Variants in NELL1 observed in about 807,000 individuals in gnomAD.
NELL1 encodes the protein protein kinase C-binding protein NELL1.
A neutral mutation model predicts 107.4 loss-of-function variants in NELL1; 76 were observed. That is an observed-to-expected ratio of 0.71 (90% confidence interval 0.59 to 0.86). The LOEUF (loss-of-function observed/expected upper bound fraction) is 0.86, where lower values mean the gene tolerates loss of function less well. Among genes scored for constraint, NELL1 ranks in the 40% least tolerant of loss-of-function variants. NELL1 has a pLI of 0.00. For missense variants in NELL1, 1,024 were observed against 1,005.5 expected (o/e 1.02, Z -0.25); for synonymous variants, 353 against 341.2 (o/e 1.03, Z -0.38).
chr11:21,068,629 G>A (rs776461581), intron 12 of NELL1, among the ~76,000 whole-genome samples: 1 of 152,152 alleles, frequency 6.6e-6, no homozygotes, highest in Non-Finnish European at 1.5e-5. Context: ...TGTACGCAGA[G>A]ATAAATGGGT....
At chr11:21,064,733 T>A (rs1306983689) in intron 12 of NELL1, among the ~76,000 whole-genome samples, 1 of 152,146 alleles carries the variant, frequency 6.6e-6, no homozygotes, top group Non-Finnish European at 1.5e-5. Context: ...AGGTATTAAG[T>A]GCTCTTAAGT....
intron 15 of NELL1, among the ~76,000 whole-genome samples, chr11:21,433,710 T>C (rs978249665): frequency 3.9e-5 from 6 of 152,136 alleles, no homozygotes; most frequent in Non-Finnish European, 5.9e-5. Context: ...AGTTACACTC[T>C]TGTTGCCCAG....
chr11:21,001,148 C>A (rs1288209985), intron 12 of NELL1, among the ~76,000 whole-genome samples: 1 of 152,200 alleles, frequency 6.6e-6, no homozygotes, highest in African/African-American at 2.4e-5. Flanking sequence ...CCAAAGTTTT[C>A]TCCTATCCCA....
chr11:21,029,735 G>A (rs1287345475), intron 12 of NELL1, among the ~76,000 whole-genome samples: 1 of 152,132 alleles, frequency 6.6e-6, no homozygotes, highest in Non-Finnish European at 1.5e-5. Flanking sequence ...CAGGAGAGGG[G>A]TTGAATAAAG....
At chr11:20,783,133 C>T (rs1052358541) in intron 2 of NELL1, among the ~76,000 whole-genome samples, 1 of 152,192 alleles carries the variant, frequency 6.6e-6, no homozygotes, top group Admixed American at 6.5e-5. Flanking sequence ...TAGTAAATAT[C>T]TGCTAGGTAC....
At chr11:21,509,914 A>G (rs1301363323) in intron 15 of NELL1, among the ~76,000 whole-genome samples, 1 of 152,212 alleles carries the variant, frequency 6.6e-6, no homozygotes, top group East Asian at 1.9e-4. Flanking sequence ...GATGATGATT[A>G]AAATTAATCC....
At chr11:21,122,282 T>G (rs1393143705) in intron 13 of NELL1, among the ~76,000 whole-genome samples, 1 of 152,196 alleles carries the variant, frequency 6.6e-6, no homozygotes, top group Admixed American at 6.5e-5. Flanking sequence ...AGAATCACAA[T>G]AAGGCTTTCT....
chr11:20,673,020 G>A (rs914679610), intron 1 of NELL1, among the ~76,000 whole-genome samples: 8 of 124,154 alleles, frequency 6.4e-5, no homozygotes, highest in Non-Finnish European at 1.2e-4. Context: ...GCACCACCAC[G>A]CCTAGCTAAT....
At chr11:20,682,237 C>T (rs74510384) in intron 2 of NELL1, among the ~76,000 whole-genome samples, 54 of 151,674 alleles carry the variant, frequency 3.6e-4, no homozygotes, top group African/African-American at 1.0e-3. Flanking sequence ...ATGTATTGTG[C>T]GCTGCATCTT....
At chr11:21,484,491 C>T (rs928192995) in intron 15 of NELL1, among the ~76,000 whole-genome samples, 1 of 152,016 alleles carries the variant, frequency 6.6e-6, no homozygotes, top group African/African-American at 2.4e-5. Flanking sequence ...AACCAACTCC[C>T]CATGTAACCA....
At chr11:20,926,518 G>A (rs994194407) in intron 7 of NELL1, among the ~76,000 whole-genome samples, 4 of 152,164 alleles carry the variant, frequency 2.6e-5, no homozygotes, top group African/African-American at 9.7e-5. Context: ...GAGAAAAGTG[G>A]CTTTCCTTGG....
intron 1 of NELL1, among the ~76,000 whole-genome samples, chr11:20,676,373 T>A (rs1188887807): frequency 6.6e-6 from 1 of 152,122 alleles, no homozygotes; most frequent in Non-Finnish European, 1.5e-5. Flanking sequence ...CCCACAGGAA[T>A]GCGAGCTCCA....
At chr11:21,515,923 T>C (rs1855550143) in intron 15 of NELL1, among the ~76,000 whole-genome samples, 1 of 152,172 alleles carries the variant, frequency 6.6e-6, no homozygotes, top group African/African-American at 2.4e-5. Flanking sequence ...GCCCTGGGTG[T>C]CTTCTCAGCA....
intron 15 of NELL1, among the ~76,000 whole-genome samples, chr11:21,481,876 G>C (rs960327368): frequency 1.1e-4 from 17 of 152,058 alleles, no homozygotes; most frequent in Admixed American, 1.1e-3. Flanking sequence ...AGAATTTTAC[G>C]GGTATTGGCT....
intron 5 of NELL1, among the ~76,000 whole-genome samples, chr11:20,890,421 A>G (rs939820876): frequency 6.6e-6 from 1 of 152,184 alleles, no homozygotes; most frequent in Non-Finnish European, 1.5e-5. Flanking sequence ...CAATGAAAAA[A>G]TTCTGAAAAC....
chr11:21,070,767 G>T (rs143600772), intron 12 of NELL1, among the ~76,000 whole-genome samples: 1 of 152,046 alleles, frequency 6.6e-6, no homozygotes, highest in African/African-American at 2.4e-5. Flanking sequence ...TCAAGTTAGC[G>T]TCTCATAAAA....
rs181531711 is a variant in NELL1 at position 21,374,675 on chromosome 11, A to G, written c.1645+3727A>G. On this transcript the variant is annotated intron_variant, in intron 15 of 19. Transcript: ENST00000357134. ...CACCACACTGTGAACCCTGTTACTT[A>G]TTCTCAAACCTTGGCTCTGATTTTA... Among the ~76,000 whole-genome samples, 164 of 152,200 alleles carry G rather than the reference A, an allele frequency of 1.1e-3. 1 individual carries two copies. The highest frequency in any genetic ancestry group is 3.8e-3 in the African/African-American group (159 of 41,550).
intron 13 of NELL1, among the ~76,000 whole-genome samples, chr11:21,178,644 G>T (rs2133821033): frequency 6.6e-6 from 1 of 151,294 alleles, no homozygotes; most frequent in East Asian, 1.9e-4. Flanking sequence ...TCTGCCTGGA[G>T]CCCCAGCTAC....
At chr11:21,097,630 AT>A (rs1371710485) in intron 12 of NELL1, among the ~76,000 whole-genome samples, 2 of 152,148 alleles carry the variant, frequency 1.3e-5, no homozygotes, top group Non-Finnish European at 1.5e-5. Flanking sequence ...TGAGTTATTG[AT>A]TAGAGCTGAC....
Sources: gnomAD v4.1 joint callset for allele counts (sites outside exome capture counted in the v4.1 genomes callset) on GRCh38, gnomAD v4.1.1 for gene constraint, MANE v1.5 for transcripts, NCBI Gene and HGNC (gene_info 2026-07-23, HGNC 2026-07-21) for gene names.